ALDH5A1: variants seen among roughly 807,000 people sequenced by gnomAD.
The protein encoded by ALDH5A1 is succinate-semialdehyde dehydrogenase, mitochondrial.
Under a neutral mutation model 54.7 loss-of-function variants are expected in ALDH5A1, and 33 were observed. The observed-to-expected ratio is 0.60, with a 90% CI of 0.46 to 0.81. ALDH5A1 has a LOEUF of 0.81. Ranked by LOEUF, ALDH5A1 falls within the 30% of genes least tolerant of loss-of-function variation. The pLI is 0.00. For missense variants in ALDH5A1, 657 were observed against 711.0 expected (o/e 0.92, Z 0.86); for synonymous variants, 294 against 292.7 (o/e 1.00, Z -0.05).
At chr6:24,513,452 T>C (rs184380503) in intron 4 of ALDH5A1, among the ~76,000 whole-genome samples, 447 of 152,340 alleles carry the variant, frequency 2.9e-3, no homozygotes, top group African/African-American at 9.7e-3. Flanking sequence ...TTCTGAACTT[T>C]TGGAAGAAGG....
chr6:24,503,136 C>T, intron 2 of ALDH5A1, 127 bp from the exon 3 acceptor site: 3 of 1,144,680 alleles, frequency 2.6e-6, no homozygotes, highest in Non-Finnish European at 3.7e-6. Flanking sequence ...CAGAAATTTT[C>T]CCCACTCTAT....
chr6:24,507,357 T>C (rs1040141248), intron 4 of ALDH5A1, among the ~76,000 whole-genome samples: 2 of 152,172 alleles, frequency 1.3e-5, no homozygotes, highest in African/African-American at 2.4e-5. Context: ...ATGTATTCTC[T>C]ATTTTCTTCT....
intron 7 of ALDH5A1, among the ~76,000 whole-genome samples, chr6:24,523,985 G>GT (rs36023125): frequency 0.018 from 2,005 of 113,362 alleles, 55 homozygotes; most frequent in African/African-American, 0.042. Context: ...AGTTTTTTGT[G>GT]TTTTTTTTTT....
chr6:24,533,458 C>G, intron 9 of ALDH5A1, 49 bp from the exon 10 acceptor site: 1 of 1,596,180 alleles, frequency 6.3e-7, no homozygotes, highest in Admixed American at 1.7e-5. Flanking sequence ...GGCATGATGT[C>G]TTTAATGACT....
chr6:24,507,170 A>T (rs79854380), intron 4 of ALDH5A1, among the ~76,000 whole-genome samples: 2,633 of 152,258 alleles, frequency 0.017, 36 homozygotes, highest in African/African-American at 0.043. Context: ...ACCAGTGCTT[A>T]TGTTAATGTC....
At chr6:24,508,577 C>T (rs1247516448) in intron 4 of ALDH5A1, among the ~76,000 whole-genome samples, 3 of 152,122 alleles carry the variant, frequency 2.0e-5, no homozygotes, top group Non-Finnish European at 2.9e-5. Context: ...CTGCTATAAA[C>T]GTGCATGTGC....
At chr6:24,499,322 G>C (rs1764774798) in intron 1 of ALDH5A1, among the ~76,000 whole-genome samples, 1 of 152,000 alleles carries the variant, frequency 6.6e-6, no homozygotes. Flanking sequence ...TCTTGGCTTT[G>C]AATACACCTG....
rs376318673 is a variant in ALDH5A1 at position 24,504,992 on chromosome 6, C to T, written c.726+7C>T. On this transcript the variant is annotated splice_region_variant and intron_variant, in intron 4 of 9. Transcript: ENST00000357578. ...CGCCCTGGCCCTGGCTGAGGTGAGC[C>T]GCTCTCCCTGTGTTTGTACAAAGCA... 2.6e-5 allele frequency: 42 copies of T among 1,612,628 alleles called. 1 individual carries two copies. Among genetic ancestry groups the T allele is most frequent in the Middle Eastern group, 1.6e-4 (1 of 6,078 alleles).
At chr6:24,508,245 C>G (rs1012928731) in intron 4 of ALDH5A1, among the ~76,000 whole-genome samples, 2 of 151,414 alleles carry the variant, frequency 1.3e-5, no homozygotes, top group African/African-American at 4.9e-5. Context: ...CACCTGTAGT[C>G]CCTGCTACTT....
At chr6:24,507,889 G>A (rs540964767) in intron 4 of ALDH5A1, among the ~76,000 whole-genome samples, 1 of 152,134 alleles carries the variant, frequency 6.6e-6, no homozygotes, top group Admixed American at 6.5e-5. Flanking sequence ...CATCACCTGA[G>A]CAGTATATAC....
chr6:24,510,775 T>C (rs1396456302), intron 4 of ALDH5A1, among the ~76,000 whole-genome samples: 1 of 152,214 alleles, frequency 6.6e-6, no homozygotes, highest in Non-Finnish European at 1.5e-5. Context: ...CTGTATCTTT[T>C]AAGTGGAGTA....
At position 24,532,313 on chromosome 6, in the gene ALDH5A1, G is replaced by A. The variant is rs1488353775; in HGVS notation, c.1402+136G>A. 4.5e-6 allele frequency: 4 copies of A among 884,906 alleles called. No individual in the cohort carries two copies. In the Admixed American group the frequency reaches 6.0e-5, roughly 13 times the overall value. The allele number at this position is 884,906 out of a possible 1,614,324, so 54.8% of individuals were successfully genotyped here. On this transcript the variant is annotated intron_variant, in intron 9 of 9. Transcript: ENST00000357578. ...TATGTGTTTTGTTGCTTTCCAAGTG[G>A]TGGAATGGATTTGGATTTGTGCAAG...
intron 1 of ALDH5A1, among the ~76,000 whole-genome samples, chr6:24,495,918 G>A (rs1040878760): frequency 6.6e-6 from 1 of 152,190 alleles, no homozygotes; most frequent in African/African-American, 2.4e-5. Flanking sequence ...ACCCTAAATG[G>A]ATAAATGCTG....
rs574506054 is a variant in ALDH5A1, at chr6:24,519,306, T to C, written c.871-1095T>C. Among the ~76,000 whole-genome samples the C allele has an allele frequency of 5.9e-5, 9 of 152,322 alleles. No homozygotes were observed. In the East Asian group the frequency reaches 1.5e-3, roughly 26 times the overall value. On this transcript the variant is annotated intron_variant, in intron 5 of 9. Transcript: ENST00000357578. Reference sequence around the variant, plus strand: ...TAGGCCGGGCACAGTGGCTCACACCTGTAATCCCAGCACTTTGGGAGGCTG... The same window carrying C: ...TAGGCCGGGCACAGTGGCTCACACCCGTAATCCCAGCACTTTGGGAGGCTG...
In ALDH5A1 at chr6:24,520,597, GTGTGTA is replaced by G. The variant is rs1322646694; in HGVS notation, c.1014+59_1014+64del. The G allele has an allele frequency of 3.7e-6, 6 of 1,600,934 alleles. No homozygotes were observed. In the African/African-American group the frequency reaches 4.2e-5, roughly 11 times the overall value. ...TGTGTTTGCGTGTGCATGTGTGAGTGTGTGTATGTGTGTGTGTGTGATATGTGTGCA... is the reference window on the plus strand; with the variant it reads ...TGTGTTTGCGTGTGCATGTGTGAGTGTGTGTGTGTGTGTGATATGTGTGCA... On this transcript the variant is annotated intron_variant, in intron 6 of 9. Transcript: ENST00000357578.
intron 1 of ALDH5A1, among the ~76,000 whole-genome samples, chr6:24,499,289 C>CA (rs1764774267): frequency 6.6e-6 from 1 of 151,854 alleles, no homozygotes; most frequent in Non-Finnish European, 1.5e-5. Flanking sequence ...GAGACTGTCT[C>CA]AAAAAACAAA....
chr6:24,503,198 G>A, intron 2 of ALDH5A1, 65 bp from the exon 3 acceptor site: 1 of 1,572,618 alleles, frequency 6.4e-7, no homozygotes, highest in South Asian at 1.1e-5. Context: ...GAAGAATTTA[G>A]GAACACAGAG....
chr6:24,523,985 GTTTTT>G (rs36023125), intron 7 of ALDH5A1, among the ~76,000 whole-genome samples: 2 of 113,396 alleles, frequency 1.8e-5, no homozygotes, highest in South Asian at 2.7e-4. Context: ...AGTTTTTTGT[GTTTTT>G]TTTTTTTTTT....
At chr6:24,523,338 A>G (rs1759740076) in intron 7 of ALDH5A1, among the ~76,000 whole-genome samples, 1 of 151,570 alleles carries the variant, frequency 6.6e-6, no homozygotes, top group Non-Finnish European at 1.5e-5. Context: ...AATAGCTAAA[A>G]AAAATGATGT....
Sources: gnomAD v4.1 joint callset for allele counts (sites outside exome capture counted in the v4.1 genomes callset) on GRCh38, gnomAD v4.1.1 for gene constraint, MANE v1.5 for transcripts, NCBI Gene and HGNC (gene_info 2026-07-23, HGNC 2026-07-21) for gene names.